COL5A2: variants seen among roughly 807,000 people sequenced by gnomAD.
The protein encoded by COL5A2 is collagen type V alpha 2 chain.
Under a neutral mutation model 208.2 loss-of-function variants are expected in COL5A2, and 23 were observed. That is an observed-to-expected ratio of 0.11 (90% CI 0.08 to 0.16). The LOEUF is 0.16. Among genes scored for constraint, COL5A2 ranks in the 10% least tolerant of loss-of-function variants. The pLI, the probability that COL5A2 is intolerant of heterozygous loss-of-function variation, is 1.00. For synonymous variants in COL5A2, 625 were observed against 628.5 expected, an observed-to-expected ratio of 0.99 and a Z score of 0.08; for missense variants, 1,590 against 1,956.4, an observed-to-expected ratio of 0.81 and a Z score of 3.53.
chr2:189,038,382 T>C (rs1259190700), intron 51 of COL5A2, among the ~76,000 whole-genome samples: 1 of 152,250 alleles, frequency 6.6e-6, no homozygotes, highest in Non-Finnish European at 1.5e-5. Context: ...TATGGCCACA[T>C]AATGTTCCAT....
intron 5 of COL5A2, 58 bp from the exon 6 acceptor site, chr2:189,097,388 T>A (rs760503342): frequency 4.4e-5 from 69 of 1,575,770 alleles, no homozygotes; most frequent in Non-Finnish European, 6.0e-5. Context: ...ATTGAATTTT[T>A]AAAAGTCTAC....
the COL5A2 span, among the ~76,000 whole-genome samples, chr2:189,379,251 T>A: frequency 6.6e-6 from 1 of 152,104 alleles, no homozygotes; most frequent in Admixed American, 6.5e-5. Context: ...ACACTTTTGA[T>A]TTAAAAAAAA....
intron 1 of COL5A2, among the ~76,000 whole-genome samples, chr2:189,143,847 G>T (rs1384525499): frequency 6.6e-6 from 1 of 152,004 alleles, no homozygotes; most frequent in African/African-American, 2.4e-5. Context: ...AAGAAATGAA[G>T]ACATTATAAT....
the COL5A2 span, among the ~76,000 whole-genome samples, chr2:189,271,659 G>A: frequency 6.6e-6 from 1 of 152,276 alleles, no homozygotes; most frequent in East Asian, 1.9e-4. Flanking sequence ...GTTGATAAAT[G>A]GGATCTAATT....
At chr2:189,041,530 G>T in intron 50 of COL5A2, 56 bp downstream of exon 50, 1 of 1,355,220 alleles carries the variant, frequency 7.4e-7, no homozygotes, top group South Asian at 1.2e-5. Flanking sequence ...TTCTTGGACG[G>T]AATCTGAGCT....
At chr2:189,076,549 A>T (rs1353638818) in intron 16 of COL5A2, among the ~76,000 whole-genome samples, 1 of 152,222 alleles carries the variant, frequency 6.6e-6, no homozygotes, top group Non-Finnish European at 1.5e-5. Context: ...TAAAAGGCTG[A>T]TGGTGATAAA....
At chr2:189,396,930 G>T in the COL5A2 span, among the ~76,000 whole-genome samples, 6 of 146,778 alleles carry the variant, frequency 4.1e-5, no homozygotes, top group Admixed American at 6.9e-5. Context: ...GATGGAGGTT[G>T]CAGTGAGCCA....
the COL5A2 span, among the ~76,000 whole-genome samples, chr2:189,406,333 A>C: frequency 6.6e-6 from 1 of 152,182 alleles, no homozygotes; most frequent in Non-Finnish European, 1.5e-5. Flanking sequence ...AAATACATGA[A>C]GAAGTGGTAG....
At chr2:189,396,567 C>T in the COL5A2 span, among the ~76,000 whole-genome samples, 4 of 150,900 alleles carry the variant, frequency 2.7e-5, no homozygotes, top group South Asian at 2.1e-4. Flanking sequence ...CGAGCTACTC[C>T]GGAGCCTGAG....
chr2:189,049,395 A>G lies in COL5A2; in HGVS notation c.3099T>C (p.Pro1033=), dbSNP rs749179264. 6.2e-7 allele frequency: 1 copy of G among 1,613,680 alleles called. No homozygotes were observed. Among genetic ancestry groups the G allele is most frequent in the Non-Finnish European group, 8.5e-7 (1 of 1,179,830 alleles). Residue 1033 remains proline (P), a synonymous_variant, in exon 44 of 54, where the codon CCT becomes CCC. Coordinates refer to ENST00000374866, the MANE Select transcript of COL5A2 (RefSeq NM_000393.5). ...GACCATTGGAGCCTGGGGGCCCCAC[A>G]GGTCCAGGTGGACCTTTATCTCCTG... ...GATGDKGPPG[P]VGPPGSNGPV... is the part of the protein sequence containing the mutation.
chr2:189,180,302 C>G (rs1007620093), upstream of COL5A2, among the ~76,000 whole-genome samples: 1 of 151,958 alleles, frequency 6.6e-6, no homozygotes, highest in Non-Finnish European at 1.5e-5. Flanking sequence ...AGAATGTTGC[C>G]CAGGTAAAGT....
chr2:189,065,423 A>G (rs1424021675), intron 23 of COL5A2, among the ~76,000 whole-genome samples: 1 of 152,074 alleles, frequency 6.6e-6, no homozygotes, highest in Non-Finnish European at 1.5e-5. Context: ...CAGCTACTCA[A>G]AAGGCTGAGG....
At chr2:189,435,858 C>T in the COL5A2 span, among the ~76,000 whole-genome samples, 3 of 152,276 alleles carry the variant, frequency 2.0e-5, no homozygotes, top group Non-Finnish European at 2.9e-5. Flanking sequence ...AATCATGCTG[C>T]TATAAAGACA....
intron 30 of COL5A2, among the ~76,000 whole-genome samples, chr2:189,061,210 A>T (rs1357837137): frequency 1.3e-5 from 2 of 152,198 alleles, no homozygotes; most frequent in Non-Finnish European, 2.9e-5. Context: ...ACTTTGTTCA[A>T]TAAAAAATTC....
intron 1 of COL5A2, among the ~76,000 whole-genome samples, chr2:189,111,917 G>A (rs544836987): frequency 6.6e-5 from 10 of 151,422 alleles, no homozygotes; most frequent in Admixed American, 2.6e-4. Flanking sequence ...CCAGGCAGGA[G>A]TCCAATGGTG....
intron 7 of COL5A2, among the ~76,000 whole-genome samples, chr2:189,089,926 A>G (rs1328186877): frequency 6.6e-6 from 1 of 152,156 alleles, no homozygotes; most frequent in African/African-American, 2.4e-5. Flanking sequence ...CCTGAGACAC[A>G]ACAACATTAA....
intron 1 of COL5A2, among the ~76,000 whole-genome samples, chr2:189,199,798 C>T (rs1395973098): frequency 6.6e-6 from 1 of 152,188 alleles, no homozygotes; most frequent in African/African-American, 2.4e-5. Context: ...CCAAAGGAAG[C>T]AACATAAGTG....
chr2:189,375,902 A>G, the COL5A2 span, among the ~76,000 whole-genome samples: 1 of 152,180 alleles, frequency 6.6e-6, no homozygotes. Flanking sequence ...CTTGCTGGGG[A>G]AGCTTTTGAC....
intron 2 of COL5A2, among the ~76,000 whole-genome samples, chr2:189,109,400 A>G (rs1687215367): frequency 6.6e-6 from 1 of 151,996 alleles, no homozygotes; most frequent in Non-Finnish European, 1.5e-5. Context: ...GTTGCTATCT[A>G]TTTCCATATA....
Sources: gnomAD v4.1 joint callset for allele counts (sites outside exome capture counted in the v4.1 genomes callset) on GRCh38, gnomAD v4.1.1 for gene constraint, MANE v1.5 for transcripts, NCBI Gene and HGNC (gene_info 2026-07-23, HGNC 2026-07-21) for gene names.